The following DNAJC1 variants were observed in gnomAD, a reference collection of about 807,000 sequenced individuals.
DNAJC1 encodes the protein DnaJ heat shock protein family (Hsp40) member C1.
Under a neutral mutation model 76.6 loss-of-function variants are expected in DNAJC1, and 58 were observed. That is an observed-to-expected ratio of 0.76 (90% CI 0.61 to 0.94). DNAJC1 has a LOEUF of 0.94. Ranked by LOEUF, DNAJC1 falls within the 40% of genes least tolerant of loss-of-function variation. The probability of loss-of-function intolerance (pLI) is 0.00; values close to 1 mark genes in which losing one functional copy is unlikely to be tolerated. For synonymous variants in DNAJC1, 258 were observed against 267.9 expected, an observed-to-expected ratio of 0.96 and a Z score of 0.36; for missense variants, 689 against 677.3, an observed-to-expected ratio of 1.02 and a Z score of -0.19.
intron 8 of DNAJC1, among the ~76,000 whole-genome samples, chr10:21,837,865 G>C (rs1835493916): frequency 6.7e-6 from 1 of 148,612 alleles, no homozygotes; most frequent in Non-Finnish European, 1.5e-5. Context: ...CCGTCCGGGA[G>C]GGAGGTGGGG....
At position 21,929,115 on chromosome 10, in the gene DNAJC1, T is replaced by C; in HGVS notation, c.249A>G (p.Lys83=). ...AAGTTAGTGAAAGCTTACGATATGCTTTTCTGATGTCTGCAGATGATGCAT... is the reference window on the plus strand; with the variant it reads ...AAGTTAGTGAAAGCTTACGATATGCCTTTCTGATGTCTGCAGATGATGCAT... ...QQDASSADIR[K]AYRKLSLTLH... The change falls in exon 2 of 12, where the codon AAA becomes AAG. Residue 83 remains lysine (K), a synonymous_variant. Transcript: ENST00000376980. The C allele has an allele frequency of 6.2e-7, 1 of 1,612,168 alleles. No individual in the cohort carries two copies. Among genetic ancestry groups the C allele is most frequent in the South Asian group, 1.1e-5 (1 of 90,698 alleles).
At chr10:21,868,090 CAA>C (rs1301372134) in intron 8 of DNAJC1, among the ~76,000 whole-genome samples, 3 of 103,604 alleles carry the variant, frequency 2.9e-5, no homozygotes, top group Admixed American at 1.9e-4. Context: ...AAAAAAAAAA[CAA>C]AAAAAAAAAC....
At chr10:21,950,373 A>G (rs1837573003) in intron 1 of DNAJC1, among the ~76,000 whole-genome samples, 1 of 152,172 alleles carries the variant, frequency 6.6e-6, no homozygotes, top group African/African-American at 2.4e-5. Context: ...ATGTCTATAT[A>G]AATTGGTAAA....
chr10:21,778,200 G>GA (rs988855997), intron 9 of DNAJC1, among the ~76,000 whole-genome samples: 79 of 150,116 alleles, frequency 5.3e-4, no homozygotes, highest in East Asian at 1.7e-3. Context: ...TCTCAAAAAA[G>GA]AAAAAAAAAT....
rs929093565 is a variant in DNAJC1, at chr10:21,841,810, C to T, written c.979-35711G>A. On this transcript the variant is annotated intron_variant, in intron 8 of 11. Coordinates refer to ENST00000376980, the MANE Select transcript of DNAJC1 (RefSeq NM_022365.4). Reference sequence around the variant, plus strand: ...TATAAAGACACACGTATGTTTATAGCGGCACTGTTCACAATAGCAAAGACT... The same window carrying T: ...TATAAAGACACACGTATGTTTATAGTGGCACTGTTCACAATAGCAAAGACT... 7.2e-5 allele frequency among the ~76,000 whole-genome samples: 11 copies of T among 151,908 alleles called. No homozygotes were observed. In the South Asian group the frequency reaches 1.0e-3, roughly 14 times the overall value.
intron 7 of DNAJC1, 151 bp downstream of exon 7, chr10:21,904,371 A>G (rs543232020): frequency 6.8e-6 from 3 of 442,660 alleles, no homozygotes; most frequent in Admixed American, 8.4e-5. Flanking sequence ...TTCCATGTCA[A>G]ATACATTAAG....
At chr10:21,934,889 G>A (rs1410996608) in intron 1 of DNAJC1, among the ~76,000 whole-genome samples, 1 of 152,100 alleles carries the variant, frequency 6.6e-6, no homozygotes, top group Non-Finnish European at 1.5e-5. Context: ...TAGTTGACCA[G>A]AGATTCTAAG....
rs1010463930 is a variant in DNAJC1 at position 21,779,975 on chromosome 10, A to G, written c.1099-13666T>C. Among the ~76,000 whole-genome samples, 11 of 152,350 alleles carry G rather than the reference A, an allele frequency of 7.2e-5. No individual in the cohort carries two copies. In the East Asian group the frequency reaches 2.1e-3, roughly 29 times the overall value. ...ACAAGTTTCAGTAGCCGATTGGATC[A>G]ACCAGAAGAAAGGGTATCAGTGATG... On this transcript the variant is annotated intron_variant, in intron 9 of 11. Transcript: ENST00000376980.
chr10:22,000,849 G>A (rs1201039201), intron 1 of DNAJC1, among the ~76,000 whole-genome samples: 2 of 152,144 alleles, frequency 1.3e-5, no homozygotes, highest in Admixed American at 6.5e-5. Flanking sequence ...AGAATCTGCC[G>A]GTGCCTTAAT....
At chr10:21,766,656 C>G (rs542743075) in intron 9 of DNAJC1, among the ~76,000 whole-genome samples, 1 of 151,800 alleles carries the variant, frequency 6.6e-6, no homozygotes, top group Non-Finnish European at 1.5e-5. Context: ...ATATGCACAA[C>G]GGGGGCTGCC....
intron 8 of DNAJC1, among the ~76,000 whole-genome samples, chr10:21,819,521 G>C (rs1387488955): frequency 6.6e-6 from 1 of 152,186 alleles, no homozygotes; most frequent in African/African-American, 2.4e-5. Flanking sequence ...TAGAAGCTTA[G>C]AATCACAGAA....
intron 1 of DNAJC1, among the ~76,000 whole-genome samples, chr10:21,978,455 C>T (rs1382453459): frequency 6.6e-6 from 1 of 152,128 alleles, no homozygotes; most frequent in Non-Finnish European, 1.5e-5. Context: ...TCAGCAATTT[C>T]TTAAGCTTGA....
intron 7 of DNAJC1, among the ~76,000 whole-genome samples, chr10:21,899,376 A>T (rs1284817948): frequency 6.6e-6 from 1 of 152,182 alleles, no homozygotes; most frequent in African/African-American, 2.4e-5. Context: ...GCACCTCACG[A>T]GTTAAGACCC....
At chr10:21,901,516 T>C (rs1321519201) in intron 7 of DNAJC1, among the ~76,000 whole-genome samples, 1 of 152,198 alleles carries the variant, frequency 6.6e-6, no homozygotes, top group African/African-American at 2.4e-5. Flanking sequence ...AAGTTTATAA[T>C]AAAAAGTGCC....
chr10:21,925,597 T>C (rs958681618), intron 3 of DNAJC1, among the ~76,000 whole-genome samples: 1 of 152,190 alleles, frequency 6.6e-6, no homozygotes. Flanking sequence ...TGGAATACTG[T>C]TCAGCAATAG....
At chr10:21,813,243 T>TAC (rs1554887889) in intron 8 of DNAJC1, among the ~76,000 whole-genome samples, 35 of 130,868 alleles carry the variant, frequency 2.7e-4, no homozygotes, top group South Asian at 7.7e-4. Flanking sequence ...TATATATATA[T>TAC]ACACATACAG....
intron 6 of DNAJC1, among the ~76,000 whole-genome samples, chr10:21,908,548 A>C (rs1836797821): frequency 6.6e-6 from 1 of 151,298 alleles, no homozygotes; most frequent in Non-Finnish European, 1.5e-5. Flanking sequence ...TGGGAAAAAT[A>C]AGCACAAAAA....
intron 7 of DNAJC1, among the ~76,000 whole-genome samples, chr10:21,883,251 A>AACAC (rs3032395): frequency 0.17 from 21,248 of 128,674 alleles, 1,915 homozygotes; most frequent in Middle Eastern, 0.21. Flanking sequence ...TTCTATCTCA[A>AACAC]ACACACACAC....
At chr10:21,960,174 T>C (rs574671845) in intron 1 of DNAJC1, among the ~76,000 whole-genome samples, 5 of 152,288 alleles carry the variant, frequency 3.3e-5, no homozygotes, top group Admixed American at 3.3e-4. Flanking sequence ...CTCCAATGGT[T>C]TTCCATTTTA....
Sources: gnomAD v4.1 joint callset for allele counts (sites outside exome capture counted in the v4.1 genomes callset) on GRCh38, gnomAD v4.1.1 for gene constraint, MANE v1.5 for transcripts, NCBI Gene and HGNC (gene_info 2026-07-23, HGNC 2026-07-21) for gene names.